The following NFATC3 variants were observed in gnomAD, a reference collection of about 807,000 sequenced individuals.
NFATC3 encodes the protein nuclear factor of activated T cells 3, also known as nuclear factor of activated T-cells, cytoplasmic 3.
A neutral mutation model predicts 98.6 loss-of-function variants in NFATC3; 46 were observed. The ratio of observed to expected loss-of-function variants is 0.47; its 90% CI spans 0.37 to 0.60. The LOEUF is 0.60. Ranked by LOEUF, NFATC3 falls within the 20% of genes least tolerant of loss-of-function variation. The probability of loss-of-function intolerance (pLI) is 0.00; values close to 1 mark genes in which losing one functional copy is unlikely to be tolerated. For synonymous variants in NFATC3, 512 were observed against 472.2 expected, an observed-to-expected ratio of 1.08 and a Z score of -1.09; for missense variants, 1,256 against 1,295.5, an observed-to-expected ratio of 0.97 and a Z score of 0.47.
chr16:68,108,743 G>C (rs8061990), intron 1 of NFATC3, among the ~76,000 whole-genome samples: 6,137 of 152,042 alleles, frequency 0.04, 373 homozygotes, highest in African/African-American at 0.13. Context: ...TGTCCTCTCC[G>C]ATTTCCTTGA....
At chr16:68,123,163 T>C (rs1428487983) in intron 2 of NFATC3, 42 bp downstream of exon 2, 3 of 1,548,714 alleles carry the variant, frequency 1.9e-6, no homozygotes, top group Non-Finnish European at 2.6e-6. Context: ...TTCATGTTTA[T>C]GGGTCATTGG....
At chr16:68,147,872 C>T (rs1423236165) in intron 3 of NFATC3, among the ~76,000 whole-genome samples, 1 of 151,754 alleles carries the variant, frequency 6.6e-6, no homozygotes, top group Non-Finnish European at 1.5e-5. Flanking sequence ...ATGAATCTCA[C>T]GTGGCATTAT....
chr16:68,207,247 T>C (rs2041184639), intron 9 of NFATC3, among the ~76,000 whole-genome samples: 2 of 151,632 alleles, frequency 1.3e-5, no homozygotes, highest in African/African-American at 4.9e-5. Flanking sequence ...GAGGCAAAGG[T>C]TGCAGTGAGC....
intron 6 of NFATC3, among the ~76,000 whole-genome samples, 167 bp from the exon 7 acceptor site, chr16:68,181,308 T>G (rs1413251141): frequency 6.6e-6 from 1 of 152,216 alleles, no homozygotes; most frequent in Non-Finnish European, 1.5e-5. Flanking sequence ...ATCTTTCTCC[T>G]TGTATTTTCC....
intron 9 of NFATC3, among the ~76,000 whole-genome samples, chr16:68,216,244 A>G (rs2041632919): frequency 6.6e-6 from 1 of 152,222 alleles, no homozygotes; most frequent in Admixed American, 6.5e-5. Flanking sequence ...AGGAAAATGT[A>G]CAAAATGAGC....
intron 1 of NFATC3, among the ~76,000 whole-genome samples, chr16:68,107,761 C>T (rs993164944): frequency 6.6e-5 from 10 of 151,708 alleles, no homozygotes; most frequent in African/African-American, 2.2e-4. Flanking sequence ...AATTTCCTTT[C>T]TGACTGGTTT....
rs779454136 is a variant in NFATC3 at position 68,221,315 on chromosome 16, G to A, written c.3107-5035G>A. 8.1e-6 allele frequency: 13 copies of A among 1,610,812 alleles called. No homozygotes were observed. In the East Asian group the frequency reaches 1.1e-4, roughly 14 times the overall value. On this transcript the variant is annotated intron_variant, in intron 9 of 9. Coordinates refer to ENST00000346183, the MANE Select transcript of NFATC3 (RefSeq NM_173165.3). ...AGCCTGAACCCAGAGCCCCCAGCCCGAGGGAGAAGTGAGGGAGAAGGAAAG... is the reference window on the plus strand; with the variant it reads ...AGCCTGAACCCAGAGCCCCCAGCCCAAGGGAGAAGTGAGGGAGAAGGAAAG...
intron 9 of NFATC3, chr16:68,214,577 TGAC>T: frequency 4.7e-6 from 3 of 638,978 alleles, no homozygotes; most frequent in Admixed American, 2.6e-5. Context: ...AACTACACTT[TGAC>T]TAAAAGACTC....
In NFATC3 at chr16:68,126,435, G is replaced by A. The variant is rs1286635550; in HGVS notation, c.1239-13G>A. The A allele has an allele frequency of 1.9e-6, 3 of 1,600,958 alleles. No individual in the cohort carries two copies. Among genetic ancestry groups the A allele is most frequent in the Non-Finnish European group, 2.6e-6 (3 of 1,170,978 alleles). ...AGCATGGTGACATGCATCTTTGTGT[G>A]TTTTGTTTGTAGCACATCTTCATTA... On this transcript the variant is annotated splice_polypyrimidine_tract_variant and intron_variant, in intron 2 of 9. Coordinates refer to ENST00000346183, the MANE Select transcript of NFATC3 (RefSeq NM_173165.3).
Position 68,217,854 on chromosome 16 carries a change from G to T in NFATC3, c.3107-8496G>T, listed in dbSNP as rs888353253. ...TTGCTCACATTTCATTGAAGAAAAC[G>T]AATTGCATGGGCCATACCTAGCTAC... On this transcript the variant is annotated intron_variant, in intron 9 of 9. Coordinates refer to ENST00000346183, the MANE Select transcript of NFATC3 (RefSeq NM_173165.3). 7 of 1,228,662 alleles carry T rather than the reference G, an allele frequency of 5.7e-6. No individual in the cohort carries two copies. In the East Asian group the frequency reaches 1.6e-4, roughly 28 times the overall value. 76.1% of individuals were successfully genotyped at this position (1,228,662 alleles called of 1,614,324 possible).
intron 1 of NFATC3, among the ~76,000 whole-genome samples, chr16:68,116,326 G>C (rs1349452125): frequency 1.3e-5 from 2 of 152,042 alleles, no homozygotes; most frequent in Non-Finnish European, 2.9e-5. Flanking sequence ...TGGTGGGCCA[G>C]ACTTGGCACA....
intron 6 of NFATC3, among the ~76,000 whole-genome samples, chr16:68,175,429 T>C (rs1212685192): frequency 6.6e-6 from 1 of 152,262 alleles, no homozygotes; most frequent in Admixed American, 6.5e-5. Flanking sequence ...ATGTGAATTA[T>C]ACCTCAATTA....
rs530925849 is a variant in NFATC3, at chr16:68,226,729, T to C, written c.*258T>C. 2 of 283,600 alleles carry C rather than the reference T, an allele frequency of 7.1e-6. No individual in the cohort carries two copies. Among genetic ancestry groups the C allele is most frequent in the East Asian group, 1.2e-4 (2 of 16,358 alleles). The allele number at this position is 283,600 out of a possible 1,614,324, so 17.6% of individuals were successfully genotyped here. A position where few individuals can be genotyped will look rare whatever the true frequency, so the allele number is the denominator to read the frequency against. ...AGGATACTTTTATATGATGGGTGCT[T>C]TGAGTGTGAATGCAGCAGGCTCTCT... On this transcript the variant is annotated 3_prime_UTR_variant, in exon 10 of 10. Transcript: ENST00000346183.
chr16:68,099,793 A>G (rs2035243624), intron 1 of NFATC3, among the ~76,000 whole-genome samples: 1 of 152,000 alleles, frequency 6.6e-6, no homozygotes, highest in African/African-American at 2.4e-5. Flanking sequence ...TAAGTCATAC[A>G]CTATGGGACT....
intron 3 of NFATC3, among the ~76,000 whole-genome samples, chr16:68,133,883 T>A (rs61202983): frequency 0.055 from 8,245 of 151,030 alleles, 262 homozygotes; most frequent in Middle Eastern, 0.14. Context: ...GCCCTTTTTT[T>A]TAAAAAAAAA....
intron 7 of NFATC3, 55 bp from the exon 8 acceptor site, chr16:68,183,185 A>G (rs2040019977): frequency 6.5e-7 from 1 of 1,527,906 alleles, no homozygotes. Flanking sequence ...TGTGTTTAAC[A>G]GGTGCATTTC....
chr16:68,174,113 C>T (rs191508349), intron 5 of NFATC3, among the ~76,000 whole-genome samples: 12 of 152,274 alleles, frequency 7.9e-5, no homozygotes, highest in African/African-American at 2.4e-4. Flanking sequence ...CATCACTGTG[C>T]TCCAATTTGG....
intron 3 of NFATC3, among the ~76,000 whole-genome samples, chr16:68,152,378 CAAAAAAAAA>C (rs34713933): frequency 1.3e-5 from 1 of 75,854 alleles, no homozygotes; most frequent in South Asian, 4.2e-4. Flanking sequence ...GACTCTGTCT[CAAAAAAAAA>C]AAAAAAAAAA....
At chr16:68,120,677 G>A (rs1487200099) in intron 1 of NFATC3, among the ~76,000 whole-genome samples, 1 of 151,902 alleles carries the variant, frequency 6.6e-6, no homozygotes, top group Non-Finnish European at 1.5e-5. Context: ...TTGAATCCAG[G>A]AGGCAAGATT....
Sources: gnomAD v4.1 joint callset for allele counts (sites outside exome capture counted in the v4.1 genomes callset) on GRCh38, gnomAD v4.1.1 for gene constraint, MANE v1.5 for transcripts, NCBI Gene and HGNC (gene_info 2026-07-23, HGNC 2026-07-21) for gene names.